KALRN: variants seen among roughly 807,000 people sequenced by gnomAD.
KALRN encodes the protein kalirin RhoGEF kinase.
KALRN carries 70 observed loss-of-function variants against 353.7 expected under a neutral mutation model. The ratio of observed to expected loss-of-function variants is 0.20; its 90% confidence interval spans 0.16 to 0.24. The LOEUF (loss-of-function observed/expected upper bound fraction) is 0.24. KALRN is among the 10% of genes least tolerant of loss of function. The pLI, the probability that KALRN is intolerant of heterozygous loss-of-function variation, is 1.00. For synonymous variants in KALRN, 1,391 were observed against 1,434.8 expected (o/e 0.97, Z 0.69); for missense variants, 2,791 against 3,756.7 (o/e 0.74, Z 6.72).
In KALRN at chr3:124,422,929, G is replaced by A. The variant is rs758252421; in HGVS notation, c.2660G>A (p.Arg887Gln). 8.1e-6 allele frequency: 13 copies of A among 1,613,646 alleles called. No homozygotes were observed. The highest frequency in any genetic ancestry group is 1.6e-4 in the Middle Eastern group (1 of 6,078). The change falls in exon 15 of 60, where the codon CGG becomes CAG. Residue 887 changes from arginine to glutamine, a missense_variant. Arg to Gln is a conservative substitution (Grantham distance 43, BLOSUM62 1). Coordinates refer to ENST00000682506, the MANE Select transcript of KALRN (RefSeq NM_001388419.1). ...CTCAATGCAGAGCAGACTCATAAGC[G>A]GCTAGAGCAGTGCCTCCAATTACGT... is the stretch of plus-strand genomic sequence containing the variant. ...LELNAEQTHK[R>Q]LEQCLQLRHL... is the part of the protein sequence containing the mutation.
At chr3:124,152,650 G>A (rs202204748) in intron 1 of KALRN, 1 of 576,722 alleles carries the variant, frequency 1.7e-6, no homozygotes, top group Non-Finnish European at 3.0e-6. Flanking sequence ...CTGGAGTGCA[G>A]TGGTGCAATC....
At chr3:124,476,421 C>T (rs974316778) in intron 26 of KALRN, among the ~76,000 whole-genome samples, 3 of 151,980 alleles carry the variant, frequency 2.0e-5, no homozygotes, top group East Asian at 3.9e-4. Context: ...TGAGTTAATA[C>T]ATGTAAAGCT....
At chr3:124,701,384 CTTTCTTTTTTT>C (rs1218757178) in intron 56 of KALRN, among the ~76,000 whole-genome samples, 1 of 122,560 alleles carries the variant, frequency 8.2e-6, no homozygotes, top group South Asian at 2.7e-4. Flanking sequence ...TTCTTTCTTT[CTTTCTTTTTTT>C]TTTTTTTTTG....
chr3:124,288,980 G>T (rs1417830782), intron 5 of KALRN, among the ~76,000 whole-genome samples: 1 of 152,194 alleles, frequency 6.6e-6, no homozygotes, highest in South Asian at 2.1e-4. Context: ...ATAAAATAAT[G>T]CCTGAGACTA....
At chr3:124,427,248 T>TA (rs1311199357) in intron 15 of KALRN, among the ~76,000 whole-genome samples, 2 of 152,204 alleles carry the variant, frequency 1.3e-5, no homozygotes, top group Non-Finnish European at 2.9e-5. Context: ...CCACGGTCTA[T>TA]AAAACCATGA....
intron 33 of KALRN, among the ~76,000 whole-genome samples, chr3:124,548,362 G>A (rs1340902779): frequency 6.6e-6 from 1 of 152,156 alleles, no homozygotes; most frequent in African/African-American, 2.4e-5. Context: ...TCTTGACTTT[G>A]TATTTTGCCA....
intron 57 of KALRN, among the ~76,000 whole-genome samples, chr3:124,709,304 G>A (rs1164086604): frequency 6.6e-6 from 1 of 152,128 alleles, no homozygotes; most frequent in South Asian, 2.1e-4. Context: ...TTTAGACAGA[G>A]TCTTGCTCTT....
intron 13 of KALRN, among the ~76,000 whole-genome samples, chr3:124,399,368 C>T (rs2090573799): frequency 6.6e-6 from 1 of 152,120 alleles, no homozygotes; most frequent in South Asian, 2.1e-4. Flanking sequence ...GAACTCCTGA[C>T]CTCAGGTGAT....
intron 33 of KALRN, among the ~76,000 whole-genome samples, chr3:124,510,907 G>A (rs2065832146): frequency 1.3e-5 from 2 of 152,146 alleles, no homozygotes; most frequent in Non-Finnish European, 2.9e-5. Context: ...TGAAGTGACT[G>A]TACTGCTAAT....
intron 19 of KALRN, 71 bp from the exon 20 acceptor site, chr3:124,446,090 G>A (rs969110492): frequency 4.2e-5 from 39 of 929,370 alleles, no homozygotes; most frequent in Middle Eastern, 4.4e-4. Context: ...CACCTGGGCC[G>A]TGGGGCTGAA....
intron 10 of KALRN, among the ~76,000 whole-genome samples, chr3:124,378,082 C>G (rs976583357): frequency 2.6e-5 from 4 of 151,884 alleles, no homozygotes; most frequent in Non-Finnish European, 5.9e-5. Flanking sequence ...AATCTATCAC[C>G]TTGTTTTTTT....
chr3:124,558,119 A>G (rs1045459654), intron 33 of KALRN, among the ~76,000 whole-genome samples: 10 of 152,122 alleles, frequency 6.6e-5, no homozygotes, highest in African/African-American at 2.4e-4. Context: ...CTCCATGAAG[A>G]TTACTTTAAA....
chr3:124,412,154 A>G (rs1576704449), intron 13 of KALRN, among the ~76,000 whole-genome samples: 2 of 152,168 alleles, frequency 1.3e-5, no homozygotes, highest in East Asian at 3.8e-4. Flanking sequence ...TTCCCATCCC[A>G]GTGTGTGTAC....
intron 52 of KALRN, 31 bp from the exon 53 acceptor site, chr3:124,694,301 A>G: frequency 6.2e-7 from 1 of 1,602,018 alleles, no homozygotes; most frequent in Non-Finnish European, 8.5e-7. Context: ...TTTGCTCTGA[A>G]TGATGTTAAT....
intron 1 of KALRN, among the ~76,000 whole-genome samples, chr3:124,045,827 A>G (rs1460559881): frequency 6.6e-6 from 1 of 152,090 alleles, no homozygotes; most frequent in Admixed American, 6.5e-5. Flanking sequence ...ATGCACACTA[A>G]TGTATAGAGG....
At chr3:124,474,545 A>T (rs13060739) in intron 25 of KALRN, 118 bp from the exon 26 acceptor site, 5 of 758,786 alleles carry the variant, frequency 6.6e-6, no homozygotes, top group Non-Finnish European at 1.2e-5. Flanking sequence ...TATCACTTAG[A>T]CAGTAGAGAA....
intron 33 of KALRN, among the ~76,000 whole-genome samples, chr3:124,561,537 T>C (rs1659302117): frequency 6.6e-6 from 1 of 152,228 alleles, no homozygotes; most frequent in Non-Finnish European, 1.5e-5. Flanking sequence ...CTGTTAATTA[T>C]CTACTCACTG....
At chr3:124,672,971 G>A (rs552612998) in intron 48 of KALRN, among the ~76,000 whole-genome samples, 2 of 152,312 alleles carry the variant, frequency 1.3e-5, no homozygotes, top group African/African-American at 4.8e-5. Context: ...TAGTGTCCAA[G>A]TTCAATCCTG....
rs796441800 is a variant in KALRN, at chr3:124,619,472, T to C, written c.5183-12948T>C. Among the ~76,000 whole-genome samples, 13 of 144,732 alleles carry C rather than the reference T, an allele frequency of 9.0e-5. No individual in the cohort carries two copies. In the South Asian group the frequency reaches 2.5e-3, roughly 28 times the overall value. The allele number at this position is 144,732 out of a possible 152,430, so 94.9% of individuals were successfully genotyped here. ...ACTGGGTCATGTGATAATTCCTTTT[T>C]ATTTTCCTTCTTTTTTTTTTTTTTT... On this transcript the variant is annotated intron_variant, in intron 34 of 59. Transcript: ENST00000682506.
Sources: allele counts gnomAD v4.1 joint callset (sites outside exome capture counted in the v4.1 genomes callset), GRCh38; gene constraint gnomAD v4.1.1; transcripts MANE v1.5; gene names NCBI Gene and HGNC (gene_info 2026-07-23, HGNC 2026-07-21).